Variants in ABL2 observed in about 807,000 individuals in gnomAD.
ABL2 encodes the protein tyrosine-protein kinase ABL2.
A neutral mutation model predicts 107.7 loss-of-function variants in ABL2; 49 were observed. The ratio of observed to expected loss-of-function variants is 0.45; its 90% CI spans 0.36 to 0.58. ABL2 has a LOEUF of 0.58. Ranked by LOEUF, ABL2 falls within the 20% of genes least tolerant of loss-of-function variation. The pLI, the probability that ABL2 is intolerant of heterozygous loss-of-function variation, is 0.00. For missense variants in ABL2, 1,245 were observed against 1,457.0 expected, an observed-to-expected ratio of 0.85 and a Z score of 2.37; for synonymous variants, 549 against 548.6, an observed-to-expected ratio of 1.00 and a Z score of -0.01.
intron 1 of ABL2, among the ~76,000 whole-genome samples, chr1:179,175,878 C>T (rs1460280049): frequency 2.3e-5 from 3 of 132,208 alleles, no homozygotes; most frequent in Non-Finnish European, 4.7e-5. Flanking sequence ...GAGGGGTGTA[C>T]GAGGGCTCCT....
At chr1:179,135,247 G>C (rs1656766954) in intron 1 of ABL2, among the ~76,000 whole-genome samples, 1 of 151,876 alleles carries the variant, frequency 6.6e-6, no homozygotes, top group African/African-American at 2.4e-5. Context: ...AAAGTGAGGA[G>C]CATCTCTGCC....
rs1306620305 is a variant in ABL2, at chr1:179,099,864, G to A, written c.*7854C>T. The stretch of plus-strand genomic sequence containing the variant: ...GCAGAGAAGGAAAAGTGCAGGGTCT[G>A]GGAGGAGATGGAGGTTCTGAGTATA... On this transcript the variant is annotated 3_prime_UTR_variant, in exon 12 of 12. Coordinates refer to ENST00000502732, the MANE Select transcript of ABL2 (RefSeq NM_007314.4). 1.3e-5 allele frequency: 3 copies of A among 232,512 alleles called. No individual in the cohort carries two copies. The highest frequency in any genetic ancestry group is 2.2e-5 in the African/African-American group (1 of 45,306). 14.4% of individuals were successfully genotyped at this position (232,512 alleles called of 1,614,324 possible).
At chr1:179,222,428 T>G (rs950713330) in intron 1 of ABL2, among the ~76,000 whole-genome samples, 1 of 151,864 alleles carries the variant, frequency 6.6e-6, no homozygotes, top group African/African-American at 2.4e-5. Flanking sequence ...TTTGCTCCTG[T>G]TGCCCAGGGT....
chr1:179,102,031 T>TTTTTTTTTTTTTTTA lies in ABL2; in HGVS notation c.*5686_*5687insTAAAAAAAAAAAAAA. 1.1e-5 allele frequency: 1 copy of TTTTTTTTTTTTTTTA among 88,306 alleles called. No homozygotes were observed. The highest frequency in any genetic ancestry group is 5.2e-5 in the African/African-American group (1 of 19,378). 5.5% of individuals were successfully genotyped at this position (88,306 alleles called of 1,614,324 possible). On this transcript the variant is annotated 3_prime_UTR_variant, in exon 12 of 12. Coordinates refer to ENST00000502732, the MANE Select transcript of ABL2 (RefSeq NM_007314.4). ...TTTTTTTTTTTTTTTTTTTTTTTTT[T>TTTTTTTTTTTTTTTA]GAGACGGAGTCTCACTGTCACCCAG...
At chr1:179,180,842 A>G (rs1660337182) in intron 1 of ABL2, among the ~76,000 whole-genome samples, 2 of 152,240 alleles carry the variant, frequency 1.3e-5, no homozygotes, top group Non-Finnish European at 2.9e-5. Context: ...TATACTTAAT[A>G]ATAATTCCCC....
chr1:179,172,829 T>C lies in ABL2; in HGVS notation c.158-39455A>G, dbSNP rs962469697. 2.6e-5 allele frequency among the ~76,000 whole-genome samples: 4 copies of C among 152,178 alleles called. No homozygotes were observed. The South Asian group carries it at 8.3e-4, about 31-fold the overall frequency. On this transcript the variant is annotated intron_variant, in intron 1 of 11. Transcript: ENST00000502732. ...GGGTTAGACAAATGTCCACCCAGAA[T>C]ATTATGTGGTACTTTGCACTGTAAA... is the stretch of plus-strand genomic sequence containing the variant.
In ABL2 at chr1:179,188,969, G is replaced by A. The variant is rs182575497; in HGVS notation, c.157+40272C>T. Among the ~76,000 whole-genome samples, 509 of 152,246 alleles carry A rather than the reference G, an allele frequency of 3.3e-3. 4 individuals are homozygous for A. The highest frequency in any genetic ancestry group is 5.8e-3 in the Admixed American group (88 of 15,294). On this transcript the variant is annotated intron_variant, in intron 1 of 11. Transcript: ENST00000502732. The stretch of plus-strand genomic sequence containing the variant: ...CCCTTAAATCTTGAACTATATTAAC[G>A]AGTTAATTTTTCAAAATTAAACAAA...
intron 9 of ABL2, 121 bp from the exon 10 acceptor site, chr1:179,112,519 TC>T: frequency 1.5e-6 from 1 of 680,068 alleles, no homozygotes; most frequent in Non-Finnish European, 2.5e-6. Context: ...TACAGCATGT[TC>T]ACAATGATAG....
At chr1:179,117,041 T>A (rs2102609999) in intron 8 of ABL2, 1 of 392,086 alleles carries the variant, frequency 2.6e-6, no homozygotes, top group African/African-American at 2.0e-5. Flanking sequence ...GTTCACCATG[T>A]TGGCCAGGCT....
intron 1 of ABL2, among the ~76,000 whole-genome samples, chr1:179,225,808 G>A (rs566013065): frequency 1.3e-5 from 2 of 152,136 alleles, no homozygotes; most frequent in African/African-American, 2.4e-5. Context: ...TTGGGAGGCC[G>A]AAGAGGGCGG....
intron 9 of ABL2, among the ~76,000 whole-genome samples, chr1:179,114,366 TCACTGAGCCGAAATCAC>T (rs1654412488): frequency 1.5e-4 from 3 of 19,988 alleles, no homozygotes; most frequent in African/African-American, 5.6e-4. Flanking sequence ...CGAAATCACG[TCACTGAGCCGAAATCAC>T]GTCACTGCAC....
At position 179,101,812 on chromosome 1, in the gene ABL2, G is replaced by T. The variant is rs891744601; in HGVS notation, c.*5906C>A. 1 of 189,972 alleles carries T rather than the reference G, an allele frequency of 5.3e-6. No homozygotes were observed. The allele number at this position is 189,972 out of a possible 1,614,324, so 11.8% of individuals were successfully genotyped here. A position where few individuals can be genotyped will look rare whatever the true frequency, so the allele number is the denominator to read the frequency against. ...CTGAGTCATGGGGGTGAGTGCTCCA[G>T]AGTAGGCTGTAGCTTGTCCCACAGC... On this transcript the variant is annotated 3_prime_UTR_variant, in exon 12 of 12. Coordinates refer to ENST00000502732, the MANE Select transcript of ABL2 (RefSeq NM_007314.4).
chr1:179,144,142 T>C (rs932000544), intron 1 of ABL2, among the ~76,000 whole-genome samples: 5 of 152,190 alleles, frequency 3.3e-5, no homozygotes, highest in African/African-American at 1.2e-4. Context: ...CTTTAATGTA[T>C]GATCTACAAA....
intron 1 of ABL2, among the ~76,000 whole-genome samples, chr1:179,142,281 G>C (rs551879686): frequency 4.6e-5 from 7 of 152,192 alleles, no homozygotes; most frequent in African/African-American, 7.2e-5. Flanking sequence ...TTTAAAAAAG[G>C]CATTTTTTTT....
At chr1:179,220,046 CAA>C (rs1662788449) in intron 1 of ABL2, among the ~76,000 whole-genome samples, 1 of 152,210 alleles carries the variant, frequency 6.6e-6, no homozygotes, top group Non-Finnish European at 1.5e-5. Flanking sequence ...ATGTCAGACA[CAA>C]AGCAAGATTT....
intron 1 of ABL2, among the ~76,000 whole-genome samples, chr1:179,176,415 C>T (rs1278092602): frequency 1.3e-5 from 2 of 152,074 alleles, no homozygotes; most frequent in South Asian, 2.1e-4. Context: ...TAACAGGATA[C>T]TCTATTATAC....
chr1:179,127,542 ATACT>A (rs1467724952), intron 3 of ABL2, among the ~76,000 whole-genome samples: 18 of 152,328 alleles, frequency 1.2e-4, no homozygotes, highest in African/African-American at 4.1e-4. Context: ...ACTTGCCCCG[ATACT>A]TGCAGCACAA....
At chr1:179,203,403 C>T (rs1302245889) in intron 1 of ABL2, among the ~76,000 whole-genome samples, 1 of 152,108 alleles carries the variant, frequency 6.6e-6, no homozygotes, top group African/African-American at 2.4e-5. Context: ...TTAGTATGCA[C>T]CATCACCCTC....
intron 1 of ABL2, among the ~76,000 whole-genome samples, chr1:179,189,442 G>A (rs1404053537): frequency 6.6e-6 from 1 of 151,988 alleles, no homozygotes; most frequent in African/African-American, 2.4e-5. Context: ...CCCTGTTCTA[G>A]GGTATTTTAA....
Sources: allele counts gnomAD v4.1 joint callset (sites outside exome capture counted in the v4.1 genomes callset), GRCh38; gene constraint gnomAD v4.1.1; transcripts MANE v1.5; gene names NCBI Gene and HGNC (gene_info 2026-07-23, HGNC 2026-07-21).